FSIP1: variants seen among roughly 807,000 people sequenced by gnomAD.
FSIP1 encodes fibrous sheath interacting protein 1.
In FSIP1, 65 loss-of-function variants were observed where a neutral mutation model predicts 60.9. The ratio of observed to expected loss-of-function variants is 1.07; its 90% CI spans 0.87 to 1.31. The LOEUF is 1.31. Among genes scored for constraint, FSIP1 ranks in the 40% most tolerant of loss-of-function variants. FSIP1 has a pLI of 0.00. For synonymous variants in FSIP1, 209 were observed against 221.2 expected, an observed-to-expected ratio of 0.94 and a Z score of 0.49; for missense variants, 675 against 665.5, an observed-to-expected ratio of 1.01 and a Z score of -0.16.
intron 10 of FSIP1, among the ~76,000 whole-genome samples, chr15:39,698,027 T>G (rs145608182): frequency 1.3e-5 from 2 of 151,598 alleles, no homozygotes; most frequent in East Asian, 1.9e-4. Flanking sequence ...TGTATCTGAG[T>G]GCTACATAAA....
At chr15:39,684,669 T>C (rs1276944553) in intron 10 of FSIP1, among the ~76,000 whole-genome samples, 2 of 152,232 alleles carry the variant, frequency 1.3e-5, no homozygotes. Flanking sequence ...CTTTCTCTTT[T>C]ATGAACTCCT....
At chr15:39,731,557 T>C (rs947505645) in intron 8 of FSIP1, among the ~76,000 whole-genome samples, 2 of 152,180 alleles carry the variant, frequency 1.3e-5, no homozygotes, top group African/African-American at 4.8e-5. Context: ...TCACCAGAAA[T>C]GTATATGTTT....
chr15:39,703,926 T>C (rs568873016), intron 10 of FSIP1, among the ~76,000 whole-genome samples: 4 of 152,364 alleles, frequency 2.6e-5, no homozygotes, highest in African/African-American at 9.6e-5. Flanking sequence ...ATAACTGTAC[T>C]ACATTCTCAA....
chr15:39,640,904 T>A (rs981179825), intron 10 of FSIP1, among the ~76,000 whole-genome samples: 3 of 152,248 alleles, frequency 2.0e-5, no homozygotes, highest in Non-Finnish European at 4.4e-5. Flanking sequence ...TGGCTATTGT[T>A]ACAGGTGCAT....
chr15:39,724,992 G>T (rs2140588167), intron 9 of FSIP1, among the ~76,000 whole-genome samples: 1 of 152,242 alleles, frequency 6.6e-6, no homozygotes, highest in African/African-American at 2.4e-5. Context: ...CAGCACTTTG[G>T]GAGGCAAAGG....
At chr15:39,682,139 C>A (rs1304877731) in intron 10 of FSIP1, among the ~76,000 whole-genome samples, 1 of 152,176 alleles carries the variant, frequency 6.6e-6, no homozygotes, top group Non-Finnish European at 1.5e-5. Context: ...CAACCACCTT[C>A]TCCTTTATAC....
intron 10 of FSIP1, among the ~76,000 whole-genome samples, chr15:39,668,078 CTT>C (rs1227152699): frequency 6.6e-6 from 1 of 151,924 alleles, no homozygotes; most frequent in Admixed American, 6.6e-5. Flanking sequence ...TTGCAGTAAA[CTT>C]AGGATAATAA....
intron 9 of FSIP1, among the ~76,000 whole-genome samples, chr15:39,716,568 T>C (rs972753034): frequency 6.6e-6 from 1 of 152,178 alleles, no homozygotes; most frequent in African/African-American, 2.4e-5. Context: ...TATAAAGACT[T>C]GCACAGATAC....
At chr15:39,726,783 G>A in intron 8 of FSIP1, 36 bp from the exon 9 acceptor site, 2 of 1,597,628 alleles carry the variant, frequency 1.3e-6, no homozygotes, top group South Asian at 2.2e-5. Flanking sequence ...TCATTCTCAG[G>A]CTATATTTTT....
At chr15:39,727,279 T>C (rs984369144) in intron 8 of FSIP1, among the ~76,000 whole-genome samples, 11 of 152,222 alleles carry the variant, frequency 7.2e-5, no homozygotes, top group African/African-American at 2.4e-4. Flanking sequence ...ACTGAACATA[T>C]GTATTATGCT....
At chr15:39,771,906 C>G (rs1435632166) in intron 2 of FSIP1, among the ~76,000 whole-genome samples, 1 of 152,218 alleles carries the variant, frequency 6.6e-6, no homozygotes, top group Non-Finnish European at 1.5e-5. Context: ...AGAAGTCACA[C>G]AAGTTCTGCC....
In FSIP1 at chr15:39,765,724, T is replaced by C. The variant is rs887277058; in HGVS notation, c.333A>G (p.Leu111=). 1 of 1,532,220 alleles carries C rather than the reference T, an allele frequency of 6.5e-7. No individual in the cohort carries two copies. Among genetic ancestry groups the C allele is most frequent in the Non-Finnish European group, 8.9e-7 (1 of 1,118,912 alleles). 94.9% of individuals were successfully genotyped at this position (1,532,220 alleles called of 1,614,324 possible). Reference sequence around the variant, plus strand: ...GAATAGCATCTTGAAGTTGAGAATCTAATTCTTTTAATTTGGGTTCATCTA... The same window carrying C: ...GAATAGCATCTTGAAGTTGAGAATCCAATTCTTTTAATTTGGGTTCATCTA... ...ECSDEPKLKE[L]DSQLQDAIQK... The change falls in exon 4 of 12, where the codon TTA becomes TTG. Residue 111 remains leucine, a synonymous_variant. Transcript: ENST00000350221.
chr15:39,697,282 G>T (rs1270614821), intron 10 of FSIP1, among the ~76,000 whole-genome samples: 1 of 152,218 alleles, frequency 6.6e-6, no homozygotes, highest in African/African-American at 2.4e-5. Context: ...CCTAAAACTT[G>T]CTGTGTGTCC....
intron 10 of FSIP1, among the ~76,000 whole-genome samples, chr15:39,632,483 C>G (rs569271829): frequency 6.6e-5 from 10 of 152,160 alleles, no homozygotes; most frequent in Admixed American, 2.0e-4. Context: ...CCGGCAACTT[C>G]TGATTTTGTA....
chr15:39,719,669 T>TC (rs1895878861), intron 9 of FSIP1, among the ~76,000 whole-genome samples: 1 of 152,244 alleles, frequency 6.6e-6, no homozygotes, highest in Non-Finnish European at 1.5e-5. Context: ...TATACATTTC[T>TC]GTAGGTTCCT....
At chr15:39,693,775 T>C (rs1037108395) in intron 10 of FSIP1, among the ~76,000 whole-genome samples, 7 of 152,160 alleles carry the variant, frequency 4.6e-5, no homozygotes, top group Non-Finnish European at 1.0e-4. Context: ...AGAACTCTCC[T>C]GGAAGTCAGA....
chr15:39,692,632 A>G (rs1356366004), intron 10 of FSIP1, among the ~76,000 whole-genome samples: 2 of 152,254 alleles, frequency 1.3e-5, no homozygotes, highest in Admixed American at 1.3e-4. Flanking sequence ...AAGTAAGGAT[A>G]CTTATAATTT....
intron 8 of FSIP1, among the ~76,000 whole-genome samples, chr15:39,731,968 A>G (rs1459198498): frequency 6.6e-6 from 1 of 152,202 alleles, no homozygotes; most frequent in Non-Finnish European, 1.5e-5. Flanking sequence ...GAAGTCCCCA[A>G]CATTTTTGGC....
intron 10 of FSIP1, among the ~76,000 whole-genome samples, chr15:39,636,538 A>G (rs1288191447): frequency 6.6e-6 from 1 of 152,226 alleles, no homozygotes; most frequent in Admixed American, 6.5e-5. Context: ...CAAGACACGA[A>G]TAGCCTCATC....
Sources: gnomAD v4.1 joint callset for allele counts (sites outside exome capture counted in the v4.1 genomes callset) on GRCh38, gnomAD v4.1.1 for gene constraint, MANE v1.5 for transcripts, NCBI Gene and HGNC (gene_info 2026-07-23, HGNC 2026-07-21) for gene names.